PIEZO2: variants seen among roughly 807,000 people sequenced by gnomAD.
PIEZO2 encodes the protein piezo-type mechanosensitive ion channel component 2.
Under a neutral mutation model 337.3 loss-of-function variants are expected in PIEZO2, and 172 were observed. The ratio of observed to expected loss-of-function variants is 0.51; its 90% confidence interval spans 0.45 to 0.58. The LOEUF (loss-of-function observed/expected upper bound fraction) is 0.58, where lower values mean the gene tolerates loss of function less well. Among genes scored for constraint, PIEZO2 ranks in the 20% least tolerant of loss-of-function variants. The pLI is 0.00. For missense variants in PIEZO2, 3,028 were observed against 3,391.3 expected (o/e 0.89, Z 2.66); for synonymous variants, 1,251 against 1,228.5 (o/e 1.02, Z -0.38).
chr18:11,052,489 C>A (rs895103143), intron 2 of PIEZO2, among the ~76,000 whole-genome samples: 1 of 152,200 alleles, frequency 6.6e-6, no homozygotes, highest in Non-Finnish European at 1.5e-5. Flanking sequence ...AAGGAGTCAC[C>A]TTTGAACCCT....
At chr18:10,827,805 C>T (rs1443671024) in intron 7 of PIEZO2, among the ~76,000 whole-genome samples, 1 of 152,208 alleles carries the variant, frequency 6.6e-6, no homozygotes, top group Non-Finnish European at 1.5e-5. Flanking sequence ...TGTCCTACTC[C>T]AATCCTGCTT....
Position 10,819,837 on chromosome 18 carries a change from T to C in PIEZO2, c.918-12563A>G, listed in dbSNP as rs2040471316. 6.6e-6 allele frequency among the ~76,000 whole-genome samples: 1 copy of C among 152,220 alleles called. No homozygotes were observed. The highest frequency in any genetic ancestry group is 1.5e-5 in the Non-Finnish European group (1 of 68,022). On this transcript the variant is annotated intron_variant, in intron 7 of 55. Transcript: ENST00000674853. This position sits in a 1 kb window ranked among gnomAD's most constrained non-coding sequence, Gnocchi z 4.3. ...CTTAAGTCTGAAGAGCATCCTCTAA[T>C]ATTTGTGTAGTGCAGGTCTGCTGGT...
intron 3 of PIEZO2, among the ~76,000 whole-genome samples, chr18:10,961,136 G>T (rs264195): frequency 0.4 from 60,437 of 151,032 alleles, 13,049 homozygotes; most frequent in Non-Finnish European, 0.49. Context: ...AGCCAAGATC[G>T]TGCCATTGCA....
At chr18:10,725,035 T>C in intron 36 of PIEZO2, 1 of 1,581,884 alleles carries the variant, frequency 6.3e-7, no homozygotes, top group Non-Finnish European at 8.7e-7. Context: ...CCCCTGCATG[T>C]TGGTGGCCCT....
chr18:11,024,018 T>C lies in PIEZO2; in HGVS notation c.160+42109A>G, dbSNP rs370662426. 7.1e-4 allele frequency among the ~76,000 whole-genome samples: 108 copies of C among 152,242 alleles called. 1 individual carries two copies. The highest frequency in any genetic ancestry group is 2.6e-3 in the African/African-American group (106 of 41,568). On this transcript the variant is annotated intron_variant, in intron 2 of 55. Transcript: ENST00000674853. ...CCCACGCGCAGCCCCAGTTCCCGCC[T>C]GCGCCTCTCCCTCCACACCTCCCCG... is the stretch of plus-strand genomic sequence containing the variant.
intron 38 of PIEZO2, 107 bp downstream of exon 38, chr18:10,715,543 C>T (rs1467098260): frequency 8.6e-6 from 9 of 1,049,280 alleles, no homozygotes. Context: ...GCCACAACTG[C>T]CTGGAAAGAA....
At chr18:10,941,150 A>G (rs187874417) in intron 3 of PIEZO2, among the ~76,000 whole-genome samples, 28 of 152,084 alleles carry the variant, frequency 1.8e-4, no homozygotes, top group Admixed American at 7.8e-4. Context: ...TCCCAACTAA[A>G]AAATGAAAAA....
At chr18:10,683,387 C>G (rs564278729) in intron 49 of PIEZO2, among the ~76,000 whole-genome samples, 1 of 152,166 alleles carries the variant, frequency 6.6e-6, no homozygotes, top group Non-Finnish European at 1.5e-5. Flanking sequence ...AGGGCCAGTG[C>G]GTAGTGCACT....
rs752595207 is a variant in PIEZO2, at chr18:11,131,804, A to G, written c.64+16721T>C. ...TTGTATCCCATGTGAGTGCTCACCA[A>G]TGGGTGACCTCAGTGGAGGAGGAGT... On this transcript the variant is annotated intron_variant, in intron 1 of 55. Coordinates refer to ENST00000674853, the MANE Select transcript of PIEZO2 (RefSeq NM_001378183.1). This position sits in a 1 kb window ranked among gnomAD's most constrained non-coding sequence, Gnocchi z 5.3. Among the ~76,000 whole-genome samples the G allele has an allele frequency of 1.3e-5, 2 of 152,176 alleles. No individual in the cohort carries two copies. Among genetic ancestry groups the G allele is most frequent in the East Asian group, 1.9e-4 (1 of 5,178 alleles).
intron 40 of PIEZO2, among the ~76,000 whole-genome samples, chr18:10,706,123 C>T (rs1405865072): frequency 6.6e-6 from 1 of 152,158 alleles, no homozygotes. Flanking sequence ...GGAGGGGCAT[C>T]TCTGGAGGGC....
intron 33 of PIEZO2, chr18:10,740,799 C>A: frequency 1.5e-6 from 1 of 662,514 alleles, no homozygotes; most frequent in Non-Finnish European, 2.7e-6. Context: ...ACGTGTTTGG[C>A]TTTCTACAGC....
chr18:10,748,607 G>T lies in PIEZO2; in HGVS notation c.4288C>A (p.Leu1430Ile), dbSNP rs1442296482. 3 of 1,492,016 alleles carry T rather than the reference G, an allele frequency of 2.0e-6. No individual in the cohort carries two copies. Among genetic ancestry groups the T allele is most frequent in the African/African-American group, 2.8e-5 (2 of 70,438 alleles). 92.4% of individuals were successfully genotyped at this position (1,492,016 alleles called of 1,614,324 possible). ...ATGATTCCTGCTTCCCCACTGGGAAGTGTACAGGGTGAATTAGCAGCAGCT... is the reference window on the plus strand; with the variant it reads ...ATGATTCCTGCTTCCCCACTGGGAATTGTACAGGGTGAATTAGCAGCAGCT... ...QMPAANSPCT[L>I]PSGEAGIIWD... Residue 1430 changes from leucine (L) to isoleucine (I), a missense_variant, in exon 30 of 56, where the codon CTT (leucine) becomes ATT (isoleucine). Transcript: ENST00000674853. The surrounding 1 kb of genome is among the most constrained non-coding windows in gnomAD (Gnocchi z 5.1).
intron 2 of PIEZO2, among the ~76,000 whole-genome samples, chr18:10,985,948 T>TA (rs200009816): frequency 3.4e-4 from 52 of 151,340 alleles, no homozygotes; most frequent in African/African-American, 1.1e-3. Context: ...GCCGAATGGA[T>TA]AAAAAAAAAT....
intron 1 of PIEZO2, among the ~76,000 whole-genome samples, chr18:11,073,597 A>G (rs1160210241): frequency 6.6e-6 from 1 of 152,152 alleles, no homozygotes; most frequent in African/African-American, 2.4e-5. Flanking sequence ...TAAATAAAAT[A>G]AATAAAAAAT....
intron 18 of PIEZO2, among the ~76,000 whole-genome samples, chr18:10,779,787 G>A (rs2038915565): frequency 6.6e-6 from 1 of 152,136 alleles, no homozygotes; most frequent in Non-Finnish European, 1.5e-5. Context: ...GAATCATAGA[G>A]GGAGTCCAGA....
intron 2 of PIEZO2, among the ~76,000 whole-genome samples, chr18:11,024,973 A>C (rs1297435480): frequency 6.6e-6 from 1 of 151,444 alleles, no homozygotes; most frequent in Non-Finnish European, 1.5e-5. Context: ...TATTTATAAC[A>C]TGTGATTTTG....
rs926977992 is a variant in PIEZO2, at chr18:10,773,883, A to T, written c.2567+123T>A. The T allele has an allele frequency of 2.7e-5, 17 of 636,382 alleles. No individual in the cohort carries two copies. Among genetic ancestry groups the T allele is most frequent in the Non-Finnish European group, 2.0e-5 (7 of 357,640 alleles). The allele number at this position is 636,382 out of a possible 1,614,324, so 39.4% of individuals were successfully genotyped here. A position where few individuals can be genotyped will look rare whatever the true frequency, so the allele number is the denominator to read the frequency against. ...GGGTTCTAGTGATTAGTTGGTAATG[A>T]GAGCTATCAACACCTAAACTTGACA... is the stretch of plus-strand genomic sequence containing the variant. On this transcript the variant is annotated intron_variant, in intron 19 of 55. Coordinates refer to ENST00000674853, the MANE Select transcript of PIEZO2 (RefSeq NM_001378183.1). The surrounding 1 kb of genome is among the most constrained non-coding windows in gnomAD (Gnocchi z 5.3).
rs534448103 is a variant in PIEZO2, at chr18:10,690,509, A to C, written c.7350-707T>G. Among the ~76,000 whole-genome samples, 3 of 152,292 alleles carry C rather than the reference A, an allele frequency of 2.0e-5. No individual in the cohort carries two copies. The East Asian group carries it at 5.8e-4, about 29-fold the overall frequency. On this transcript the variant is annotated intron_variant, in intron 48 of 55. Coordinates refer to ENST00000674853, the MANE Select transcript of PIEZO2 (RefSeq NM_001378183.1). Reference sequence around the variant, plus strand: ...AGCCCTGTCAAGTGAATATAAATCCAATCCCTGGAAGCAACATCAGGCCCA... The same window carrying C: ...AGCCCTGTCAAGTGAATATAAATCCCATCCCTGGAAGCAACATCAGGCCCA...
Position 10,942,098 on chromosome 18 carries a change from T to C in PIEZO2, c.287-30870A>G, listed in dbSNP as rs1393945063. 6.6e-6 allele frequency among the ~76,000 whole-genome samples: 1 copy of C among 152,224 alleles called. No homozygotes were observed. On this transcript the variant is annotated intron_variant, in intron 3 of 55. Transcript: ENST00000674853. The surrounding 1 kb of genome is among the most constrained non-coding windows in gnomAD (Gnocchi z 4.4). The stretch of plus-strand genomic sequence containing the variant: ...TGAGGCCTCTCCAGCCATGTGGAAC[T>C]GTAAGTCCAATAAACCTCTTTCTTT...
Sources: allele counts gnomAD v4.1 joint callset (sites outside exome capture counted in the v4.1 genomes callset), GRCh38; gene constraint gnomAD v4.1.1; non-coding constraint Gnocchi (gnomAD v3.1); transcripts MANE v1.5; gene names NCBI Gene and HGNC (gene_info 2026-07-23, HGNC 2026-07-21).